UBE3D: variants seen among roughly 807,000 people sequenced by gnomAD.
UBE3D encodes the protein ubiquitin protein ligase E3D, also known as E3 ubiquitin-protein ligase E3D.
UBE3D carries 48 observed loss-of-function variants against 49.6 expected under a neutral mutation model. The ratio of observed to expected loss-of-function variants is 0.97; its 90% CI spans 0.77 to 1.23. The LOEUF (loss-of-function observed/expected upper bound fraction) is 1.23. UBE3D is among the 50% of genes most tolerant of loss of function. UBE3D has a pLI of 0.00. For missense variants in UBE3D, 452 were observed against 468.4 expected (o/e 0.96, Z 0.32); for synonymous variants, 189 against 174.2 (o/e 1.08, Z -0.67).
intron 9 of UBE3D, among the ~76,000 whole-genome samples, chr6:82,928,287 C>A (rs905573991): frequency 1.3e-5 from 2 of 152,028 alleles, no homozygotes; most frequent in Non-Finnish European, 2.9e-5. Flanking sequence ...AAGTCAATTC[C>A]TGTCAACCAC....
chr6:82,922,287 C>T (rs1773403847), intron 9 of UBE3D, among the ~76,000 whole-genome samples: 1 of 152,080 alleles, frequency 6.6e-6, no homozygotes, highest in Non-Finnish European at 1.5e-5. Context: ...ACTTAGAAAA[C>T]ACCATGCCCA....
chr6:83,022,420 G>A, intron 7 of UBE3D, 33 bp downstream of exon 7: 1 of 1,398,808 alleles, frequency 7.1e-7, no homozygotes, highest in Non-Finnish European at 9.7e-7. Flanking sequence ...TGGATTCCTA[G>A]GCTACAAAAA....
At chr6:82,908,183 G>A (rs889401558) in intron 9 of UBE3D, among the ~76,000 whole-genome samples, 1 of 152,120 alleles carries the variant, frequency 6.6e-6, no homozygotes, top group South Asian at 2.1e-4. Flanking sequence ...TTTTCAAAGA[G>A]GAACGATTAA....
chr6:83,021,284 T>A (rs1298879987), intron 7 of UBE3D, among the ~76,000 whole-genome samples: 1 of 151,964 alleles, frequency 6.6e-6, no homozygotes, highest in Non-Finnish European at 1.5e-5. Context: ...TCACAAAAAA[T>A]TTAAAAATTG....
the UBE3D span, among the ~76,000 whole-genome samples, chr6:82,881,510 G>T: frequency 6.6e-6 from 1 of 152,160 alleles, no homozygotes; most frequent in East Asian, 1.9e-4. Context: ...CCTTCAAGGG[G>T]AGGAAGAGAT....
intron 8 of UBE3D, among the ~76,000 whole-genome samples, chr6:82,964,014 T>G (rs542593079): frequency 6.6e-6 from 1 of 152,330 alleles, no homozygotes; most frequent in Admixed American, 6.5e-5. Context: ...CTTACTTCTA[T>G]GATTTTTAAA....
intron 9 of UBE3D, among the ~76,000 whole-genome samples, chr6:82,898,422 C>T (rs1771489150): frequency 6.6e-6 from 1 of 152,128 alleles, no homozygotes; most frequent in African/African-American, 2.4e-5. Context: ...AGACTTGGAA[C>T]CAACACAAAT....
chr6:83,022,711 A>G (rs532318779), intron 6 of UBE3D, 150 bp from the exon 7 acceptor site: 1 of 505,336 alleles, frequency 2.0e-6, no homozygotes, highest in Non-Finnish European at 3.5e-6. Flanking sequence ...CAGAATCTGC[A>G]CTGATGTGGA....
intron 5 of UBE3D, among the ~76,000 whole-genome samples, chr6:83,026,957 T>C (rs901707187): frequency 6.6e-6 from 1 of 152,170 alleles, no homozygotes; most frequent in Non-Finnish European, 1.5e-5. Flanking sequence ...TTTTATTTCA[T>C]GTGTTGTTAA....
chr6:82,941,264 T>C (rs1774991144), intron 9 of UBE3D, among the ~76,000 whole-genome samples: 1 of 151,590 alleles, frequency 6.6e-6, no homozygotes, highest in Non-Finnish European at 1.5e-5. Flanking sequence ...GTGATCTTAA[T>C]TTTCTTTATA....
intron 7 of UBE3D, among the ~76,000 whole-genome samples, chr6:83,022,036 T>A (rs1372617681): frequency 6.6e-6 from 1 of 152,142 alleles, no homozygotes; most frequent in Non-Finnish European, 1.5e-5. Context: ...TATTAACTTT[T>A]TTTTTTTTAA....
chr6:83,039,045 G>A (rs923116553), intron 4 of UBE3D, among the ~76,000 whole-genome samples: 1 of 152,194 alleles, frequency 6.6e-6, no homozygotes, highest in Admixed American at 6.5e-5. Context: ...GCAGTGCTCT[G>A]GGACAATTCC....
rs985778630 is a variant in UBE3D at position 82,914,229 on chromosome 6, C to A, written c.1150-21187G>T. ...TTAGTGTGAAAAAGATGCAGTCTGACTTTTAGAAAGGGCTTAGGTCTGAGG... is the reference window on the plus strand; with the variant it reads ...TTAGTGTGAAAAAGATGCAGTCTGAATTTTAGAAAGGGCTTAGGTCTGAGG... On this transcript the variant is annotated intron_variant, in intron 9 of 9. Coordinates refer to ENST00000369747, the MANE Select transcript of UBE3D (RefSeq NM_198920.3). 5.3e-5 allele frequency among the ~76,000 whole-genome samples: 8 copies of A among 152,260 alleles called. No homozygotes were observed. The East Asian group carries it at 1.3e-3, about 26-fold the overall frequency.
chr6:82,940,746 T>C (rs1276777155), intron 9 of UBE3D, among the ~76,000 whole-genome samples: 5 of 152,168 alleles, frequency 3.3e-5, no homozygotes, highest in Admixed American at 6.5e-5. Flanking sequence ...CCAAGGCCCA[T>C]TGATAGTCTC....
intron 9 of UBE3D, among the ~76,000 whole-genome samples, chr6:82,909,449 A>G (rs929569353): frequency 5.3e-5 from 8 of 152,228 alleles, no homozygotes; most frequent in African/African-American, 1.9e-4. Context: ...AGCCCTGTAC[A>G]GCTAAGCCAT....
chr6:82,990,053 A>G (rs1778780958), intron 8 of UBE3D, among the ~76,000 whole-genome samples: 1 of 152,202 alleles, frequency 6.6e-6, no homozygotes, highest in Admixed American at 6.5e-5. Context: ...TAGTATGTCC[A>G]AGGATTCCAG....
rs534357099 is a variant in UBE3D at position 83,026,166 on chromosome 6, G to A, written c.668-2128C>T. Among the ~76,000 whole-genome samples the A allele has an allele frequency of 2.6e-5, 4 of 152,052 alleles. No homozygotes were observed. The South Asian group carries it at 8.3e-4, about 32-fold the overall frequency. On this transcript the variant is annotated intron_variant, in intron 5 of 9. Transcript: ENST00000369747. ...GGCTGTCATTAAAAATGGTGGTGTT[G>A]CCCAGGTACAGTGGCTCATACTTAA...
chr6:82,947,960 A>G lies in UBE3D; in HGVS notation c.1149+9352T>C, dbSNP rs1775525792. Among the ~76,000 whole-genome samples the G allele has an allele frequency of 2.6e-5, 4 of 152,060 alleles. No homozygotes were observed. In the South Asian group the frequency reaches 8.3e-4, roughly 31 times the overall value. Reference sequence around the variant, plus strand: ...ACCTAATGATTCATCTTAAAGAACTAGGAAAGCAAGAGCAAACCAAACCAA... The same window carrying G: ...ACCTAATGATTCATCTTAAAGAACTGGGAAAGCAAGAGCAAACCAAACCAA... On this transcript the variant is annotated intron_variant, in intron 9 of 9. Coordinates refer to ENST00000369747, the MANE Select transcript of UBE3D (RefSeq NM_198920.3).
chr6:82,961,752 G>T (rs13217062), intron 8 of UBE3D, among the ~76,000 whole-genome samples: 1 of 151,770 alleles, frequency 6.6e-6, no homozygotes, highest in Non-Finnish European at 1.5e-5. Context: ...ACCTGAGGTC[G>T]GGAGTTCGAG....
Sources: allele counts gnomAD v4.1 joint callset (sites outside exome capture counted in the v4.1 genomes callset), GRCh38; gene constraint gnomAD v4.1.1; transcripts MANE v1.5; gene names NCBI Gene and HGNC (gene_info 2026-07-23, HGNC 2026-07-21).